The following PRKAR1B variants were observed in gnomAD, a reference collection of about 807,000 sequenced individuals.
PRKAR1B encodes protein kinase cAMP-dependent type I regulatory subunit beta, also known as cAMP-dependent protein kinase type I-beta regulatory subunit.
In PRKAR1B, 22 loss-of-function variants were observed where a neutral mutation model predicts 46.5. That is an observed-to-expected ratio of 0.47 (90% CI 0.34 to 0.68). The LOEUF (loss-of-function observed/expected upper bound fraction) is 0.68, where lower values mean the gene tolerates loss of function less well. PRKAR1B is among the 30% of genes least tolerant of loss of function. The pLI, the probability that PRKAR1B is intolerant of heterozygous loss-of-function variation, is 0.01. For synonymous variants in PRKAR1B, 259 were observed against 217.7 expected (o/e 1.19, Z -1.67); for missense variants, 445 against 535.6 (o/e 0.83, Z 1.67).
At chr7:711,631 A>T (rs891546744) in intron 1 of PRKAR1B, 104 bp from the exon 2 acceptor site, 6 of 1,013,810 alleles carry the variant, frequency 5.9e-6, no homozygotes, top group Non-Finnish European at 8.6e-6. Flanking sequence ...AGCGTGGAAG[A>T]AAGTCACTGA....
At chr7:685,295 C>CGT (rs1300520762) in intron 2 of PRKAR1B, among the ~76,000 whole-genome samples, 998 of 12,194 alleles carry the variant, frequency 0.082, 147 homozygotes, top group African/African-American at 0.21. Context: ...TATATGTATA[C>CGT]ATATATATAT....
At chr7:622,371 G>A (rs1783156495) in intron 4 of PRKAR1B, among the ~76,000 whole-genome samples, 1 of 152,204 alleles carries the variant, frequency 6.6e-6, no homozygotes, top group Admixed American at 6.5e-5. Flanking sequence ...CCAACAATCT[G>A]CATTTCTGTA....
intron 1 of PRKAR1B, among the ~76,000 whole-genome samples, chr7:723,295 G>A (rs571367379): frequency 6.6e-6 from 1 of 152,278 alleles, no homozygotes; most frequent in East Asian, 1.9e-4. Flanking sequence ...GTCTCTGTTG[G>A]GCGTCCCCTT....
Position 570,576 on chromosome 7 carries a change from G to A in PRKAR1B, c.891+8680C>T, listed in dbSNP as rs924184469. 5.9e-5 allele frequency among the ~76,000 whole-genome samples: 9 copies of A among 152,184 alleles called. No homozygotes were observed. In the East Asian group the frequency reaches 1.6e-3, roughly 26 times the overall value. ...CCCTCATCCCCCGCCGTCCCCTCAG[G>A]GTGACTGCCCTGTGCTGTGGCCGGC... On this transcript the variant is annotated intron_variant, in intron 9 of 10. Coordinates refer to ENST00000537384, the MANE Select transcript of PRKAR1B (RefSeq NM_001164760.2).
chr7:572,280 G>C (rs1314865545), intron 9 of PRKAR1B, among the ~76,000 whole-genome samples: 3 of 152,228 alleles, frequency 2.0e-5, no homozygotes, highest in Non-Finnish European at 4.4e-5. Flanking sequence ...CCAGTCTGCT[G>C]AGAATATTTT....
chr7:630,496 T>TG (rs2128478759), intron 4 of PRKAR1B, among the ~76,000 whole-genome samples: 1 of 152,256 alleles, frequency 6.6e-6, no homozygotes, highest in African/African-American at 2.4e-5. Context: ...CCCATTGCCC[T>TG]GGGGGTCCCA....
intron 9 of PRKAR1B, among the ~76,000 whole-genome samples, chr7:564,724 G>T (rs1277767422): frequency 6.6e-6 from 1 of 152,200 alleles, no homozygotes; most frequent in Non-Finnish European, 1.5e-5. Flanking sequence ...TCACAGCTCA[G>T]GGGAGGGGGG....
chr7:690,905 T>C (rs1485531718), intron 2 of PRKAR1B, among the ~76,000 whole-genome samples: 1 of 152,238 alleles, frequency 6.6e-6, no homozygotes, highest in African/African-American at 2.4e-5. Context: ...TGGCGGCTGG[T>C]GTCTCCACTG....
intron 6 of PRKAR1B, among the ~76,000 whole-genome samples, chr7:604,175 CG>C (rs1048869686): frequency 6.6e-6 from 1 of 152,218 alleles, no homozygotes; most frequent in Admixed American, 6.5e-5. Context: ...CCTCCTGGGA[CG>C]GGCCCAGGCC....
At chr7:689,464 A>G (rs1562618791) in intron 2 of PRKAR1B, among the ~76,000 whole-genome samples, 2 of 152,208 alleles carry the variant, frequency 1.3e-5, no homozygotes, top group African/African-American at 2.4e-5. Flanking sequence ...CAAAAACATA[A>G]TAATAAACAA....
At position 551,429 on chromosome 7, in the gene PRKAR1B, C is replaced by T. The variant is rs147220037; in HGVS notation, c.933G>A (p.Glu311=). The change falls in exon 10 of 11, where the codon GAG becomes GAA. Residue 311 remains glutamate, a synonymous_variant. Coordinates refer to ENST00000537384, the MANE Select transcript of PRKAR1B (RefSeq NM_001164760.2). ...SVLQRRSPNE[E]YVEVGRLGPS... is the part of the protein sequence containing the mutation. ...GTCCCAGGCGCCCCACCTCCACGTA[C>T]TCCTCATTGGGGGACCGGCGCTGCA... is the stretch of plus-strand genomic sequence containing the variant. 2.1e-3 allele frequency: 3,225 copies of T among 1,560,526 alleles called. 11 individuals carry two copies. The highest frequency in any genetic ancestry group is 1.8e-3 in the Non-Finnish European group (2,066 of 1,152,062).
At chr7:682,951 C>A (rs1778778575) in intron 2 of PRKAR1B, among the ~76,000 whole-genome samples, 1 of 152,186 alleles carries the variant, frequency 6.6e-6, no homozygotes, top group Admixed American at 6.5e-5. Context: ...CCCGGCCTCA[C>A]CCTGATCCAT....
chr7:722,752 A>G (rs964611768), intron 1 of PRKAR1B, among the ~76,000 whole-genome samples: 11 of 152,188 alleles, frequency 7.2e-5, no homozygotes, highest in African/African-American at 2.7e-4. Flanking sequence ...CCGTTACCTT[A>G]CCATGTTCAG....
chr7:605,675 G>C (rs1463319037), intron 6 of PRKAR1B, among the ~76,000 whole-genome samples: 1 of 152,180 alleles, frequency 6.6e-6, no homozygotes, highest in Non-Finnish European at 1.5e-5. Flanking sequence ...AGACAAGCGT[G>C]GGAAGATGAC....
intron 9 of PRKAR1B, among the ~76,000 whole-genome samples, chr7:552,372 T>C (rs1186416924): frequency 5.6e-4 from 11 of 19,618 alleles, no homozygotes; most frequent in Admixed American, 1.8e-3. Flanking sequence ...AACCCCCACC[T>C]CCCGCCCGGG....
Position 705,286 on chromosome 7 carries a change from G to C in PRKAR1B, c.177+6043C>G, listed in dbSNP as rs553848273. ...CCATTGCCCTCCAGCCTGGGTGACAGAGCAAGACTCTGTCTCAATTAAAAA... is the reference window on the plus strand; with the variant it reads ...CCATTGCCCTCCAGCCTGGGTGACACAGCAAGACTCTGTCTCAATTAAAAA... On this transcript the variant is annotated intron_variant, in intron 2 of 10. Transcript: ENST00000537384. Among the ~76,000 whole-genome samples the C allele has an allele frequency of 6.7e-4, 94 of 141,184 alleles. 1 individual carries two copies. The highest frequency in any genetic ancestry group is 3.9e-3 in the Middle Eastern group (1 of 258). The allele number at this position is 141,184 out of a possible 152,430, so 92.6% of individuals were successfully genotyped here. A position where few individuals can be genotyped will look rare whatever the true frequency, so the allele number is the denominator to read the frequency against.
intron 4 of PRKAR1B, among the ~76,000 whole-genome samples, chr7:630,481 C>T (rs1029548420): frequency 5.9e-5 from 9 of 152,196 alleles, no homozygotes; most frequent in African/African-American, 2.2e-4. Context: ...CAGGGGGTGG[C>T]CTATCCCATT....
chr7:631,194 G>A (rs770960471), intron 4 of PRKAR1B, among the ~76,000 whole-genome samples: 2 of 152,082 alleles, frequency 1.3e-5, no homozygotes, highest in South Asian at 2.1e-4. Flanking sequence ...CAAGTGATCC[G>A]CCCACCTTGA....
At chr7:705,293 ACT>A (rs1404300960) in intron 2 of PRKAR1B, among the ~76,000 whole-genome samples, 13 of 148,486 alleles carry the variant, frequency 8.8e-5, no homozygotes, top group Non-Finnish European at 1.9e-4. Context: ...ACAGAGCAAG[ACT>A]CTGTCTCAAT....
Sources: allele counts gnomAD v4.1 joint callset (sites outside exome capture counted in the v4.1 genomes callset), GRCh38; gene constraint gnomAD v4.1.1; transcripts MANE v1.5; gene names NCBI Gene and HGNC (gene_info 2026-07-23, HGNC 2026-07-21).